The following FAM13A variants were observed in gnomAD, a reference collection of about 807,000 sequenced individuals.
FAM13A encodes family with sequence similarity 13 member A, also known as protein FAM13A.
In FAM13A, 76 loss-of-function variants were observed where a neutral mutation model predicts 129.6. The ratio of observed to expected loss-of-function variants is 0.59; its 90% confidence interval spans 0.49 to 0.71. The LOEUF is 0.71. FAM13A is among the 30% of genes least tolerant of loss of function. FAM13A has a pLI of 0.00. For synonymous variants in FAM13A, 443 were observed against 449.9 expected (o/e 0.98, Z 0.20); for missense variants, 1,108 against 1,249.3 (o/e 0.89, Z 1.70).
chr4:88,900,344 A>C (rs115743183), intron 6 of FAM13A, among the ~76,000 whole-genome samples: 18,504 of 152,012 alleles, frequency 0.12, 1,414 homozygotes, highest in Non-Finnish European at 0.16. Context: ...ACACATAATC[A>C]TCAGATCCTC....
intron 4 of FAM13A, chr4:88,989,743 T>A (rs535448793): frequency 6.6e-6 from 1 of 152,328 alleles, no homozygotes; most frequent in East Asian, 1.9e-4. Context: ...TGGAGCAGAT[T>A]ACCAGAAATT....
chr4:88,852,568 T>C (rs1737783277), intron 6 of FAM13A, among the ~76,000 whole-genome samples: 1 of 152,204 alleles, frequency 6.6e-6, no homozygotes, highest in African/African-American at 2.4e-5. Context: ...CTAAGTTTTC[T>C]CATGTTTCTA....
At chr4:88,761,854 T>C (rs1027394237) in intron 13 of FAM13A, among the ~76,000 whole-genome samples, 2 of 152,216 alleles carry the variant, frequency 1.3e-5, no homozygotes, top group Admixed American at 6.5e-5. Context: ...TACTATTTGC[T>C]AGATGTTTTT....
intron 1 of FAM13A, among the ~76,000 whole-genome samples, chr4:89,036,759 C>T (rs182645841): frequency 4.1e-4 from 63 of 152,332 alleles, no homozygotes; most frequent in South Asian, 1.0e-3. Context: ...TCTGCTCAGC[C>T]GCAGGACACT....
intron 7 of FAM13A, among the ~76,000 whole-genome samples, chr4:88,807,295 A>T (rs182105221): frequency 9.2e-5 from 14 of 152,264 alleles, no homozygotes; most frequent in Admixed American, 4.6e-4. Flanking sequence ...TCTGCAGCAA[A>T]CAGAAGCAAT....
chr4:88,895,944 C>T (rs1241864430), intron 6 of FAM13A, among the ~76,000 whole-genome samples: 2 of 148,560 alleles, frequency 1.3e-5, no homozygotes, highest in Non-Finnish European at 3.0e-5. Context: ...GACTATAAAT[C>T]ATGCTGCTAT....
At chr4:88,924,562 ATTAAAGAC>A (rs1751756253) in intron 5 of FAM13A, among the ~76,000 whole-genome samples, 1 of 152,248 alleles carries the variant, frequency 6.6e-6, no homozygotes, top group Non-Finnish European at 1.5e-5. Flanking sequence ...TTCAAGATGG[ATTAAAGAC>A]TTAAACTTTA....
At chr4:88,764,235 G>C (rs1042776362) in intron 13 of FAM13A, among the ~76,000 whole-genome samples, 6 of 151,710 alleles carry the variant, frequency 4.0e-5, no homozygotes, top group African/African-American at 1.5e-4. Context: ...TGTTATCAAA[G>C]GTATGCTTCT....
At position 88,997,563 on chromosome 4, in the gene FAM13A, A is replaced by T. The variant is rs546317229; in HGVS notation, c.428-6413T>A. ...CAAATATTTGCTCTCACTAAAAAAAAAAAAATTATAATTATAATCAGCAAT... is the reference window on the plus strand; with the variant it reads ...CAAATATTTGCTCTCACTAAAAAAATAAAAATTATAATTATAATCAGCAAT... On this transcript the variant is annotated intron_variant, in intron 3 of 23. Coordinates refer to ENST00000264344, the MANE Select transcript of FAM13A (RefSeq NM_014883.4). 6.0e-3 allele frequency among the ~76,000 whole-genome samples: 654 copies of T among 109,218 alleles called. 9 individuals carry two copies. The highest frequency in any genetic ancestry group is 0.02 in the African/African-American group (626 of 30,620). 71.7% of individuals were successfully genotyped at this position (109,218 alleles called of 152,430 possible). A position where few individuals can be genotyped will look rare whatever the true frequency, so the allele number is the denominator to read the frequency against.
At chr4:88,929,882 T>A (rs193037116) in intron 5 of FAM13A, among the ~76,000 whole-genome samples, 1 of 152,242 alleles carries the variant, frequency 6.6e-6, no homozygotes, top group East Asian at 1.9e-4. Context: ...GGACTACAGG[T>A]GTGTACCACC....
chr4:88,872,130 G>C (rs1423271424), intron 6 of FAM13A, among the ~76,000 whole-genome samples: 4 of 152,102 alleles, frequency 2.6e-5, no homozygotes, highest in Non-Finnish European at 4.4e-5. Flanking sequence ...TGCCTTACAA[G>C]AGCTCCTGAA....
At chr4:88,897,262 T>C (rs968561795) in intron 6 of FAM13A, among the ~76,000 whole-genome samples, 2 of 152,228 alleles carry the variant, frequency 1.3e-5, no homozygotes, top group Non-Finnish European at 1.5e-5. Context: ...TGTTGGCATA[T>C]ACAGTCTATG....
intron 7 of FAM13A, among the ~76,000 whole-genome samples, chr4:88,850,527 A>C (rs952431389): frequency 2.0e-5 from 3 of 152,168 alleles, no homozygotes; most frequent in African/African-American, 7.2e-5. Context: ...ATTGCACTCC[A>C]GCCTGGGCAA....
At chr4:88,734,160 T>A (rs1052415449) in intron 21 of FAM13A, among the ~76,000 whole-genome samples, 1 of 152,236 alleles carries the variant, frequency 6.6e-6, no homozygotes, top group East Asian at 1.9e-4. Context: ...AAATGAGTCA[T>A]GAAAATGAAC....
intron 7 of FAM13A, among the ~76,000 whole-genome samples, chr4:88,835,318 G>C (rs1206079533): frequency 6.6e-6 from 1 of 152,102 alleles, no homozygotes; most frequent in Admixed American, 6.5e-5. Context: ...TGCCTATTCT[G>C]ATTTGTCCAT....
At chr4:88,950,622 T>C (rs867546329) in intron 4 of FAM13A, among the ~76,000 whole-genome samples, 105 of 152,298 alleles carry the variant, frequency 6.9e-4, no homozygotes, top group African/African-American at 2.3e-3. Context: ...CTTGTTTTAA[T>C]CCACTACCAG....
In FAM13A at chr4:88,883,833, A is replaced by G. The variant is rs375129221; in HGVS notation, c.843+22546T>C. ...TATAAATGAAACGAGAGGTATTACAATTGAAATTACCACAGAAATACAAAA... is the reference window on the plus strand; with the variant it reads ...TATAAATGAAACGAGAGGTATTACAGTTGAAATTACCACAGAAATACAAAA... On this transcript the variant is annotated intron_variant, in intron 6 of 23. Transcript: ENST00000264344. Among the ~76,000 whole-genome samples the G allele has an allele frequency of 6.4e-3, 253 of 39,268 alleles. 3 individuals carry two copies. Among genetic ancestry groups the G allele is most frequent in the African/African-American group, 0.046 (229 of 4,966 alleles). 25.8% of individuals were successfully genotyped at this position (39,268 alleles called of 152,430 possible).
intron 6 of FAM13A, among the ~76,000 whole-genome samples, chr4:88,855,008 T>C (rs1484422888): frequency 2.0e-5 from 3 of 152,186 alleles, no homozygotes; most frequent in Non-Finnish European, 2.9e-5. Context: ...GCTGTTATTA[T>C]TATCATTTGA....
chr4:88,828,290 G>A (rs1733349515), intron 7 of FAM13A, among the ~76,000 whole-genome samples: 1 of 152,022 alleles, frequency 6.6e-6, no homozygotes, highest in Non-Finnish European at 1.5e-5. Context: ...ACAGGCGCAT[G>A]CTAAAATGCC....
Sources: gnomAD v4.1 joint callset for allele counts (sites outside exome capture counted in the v4.1 genomes callset) on GRCh38, gnomAD v4.1.1 for gene constraint, MANE v1.5 for transcripts, NCBI Gene and HGNC (gene_info 2026-07-23, HGNC 2026-07-21) for gene names.